KIAA0513: variants seen among roughly 807,000 people sequenced by gnomAD.
KIAA0513 encodes the protein uncharacterized protein KIAA0513.
In KIAA0513, 39 loss-of-function variants were observed where a neutral mutation model predicts 56.5. The ratio of observed to expected loss-of-function variants is 0.69; its 90% confidence interval spans 0.53 to 0.90. The LOEUF is 0.90. KIAA0513 is among the 40% of genes least tolerant of loss of function. KIAA0513 has a pLI of 0.00. For missense variants in KIAA0513, 591 were observed against 535.2 expected, an observed-to-expected ratio of 1.10 and a Z score of -1.03; for synonymous variants, 268 against 215.6, an observed-to-expected ratio of 1.24 and a Z score of -2.13.
At chr16:85,034,421 C>T (rs1184089192) in intron 1 of KIAA0513, among the ~76,000 whole-genome samples, 1 of 152,110 alleles carries the variant, frequency 6.6e-6, no homozygotes, top group Non-Finnish European at 1.5e-5. Flanking sequence ...TGACTGTACT[C>T]CTGCCAAGGA....
At chr16:85,088,191 C>T (rs554364060) in intron 12 of KIAA0513, 85 bp from the exon 13 acceptor site, 21 of 1,293,586 alleles carry the variant, frequency 1.6e-5, no homozygotes, top group South Asian at 1.1e-4. Context: ...AGGCCCGATT[C>T]GTCCCTGTCC....
intron 1 of KIAA0513, among the ~76,000 whole-genome samples, chr16:85,036,068 G>A (rs1028470854): frequency 1.3e-5 from 2 of 151,956 alleles, no homozygotes; most frequent in Non-Finnish European, 2.9e-5. Flanking sequence ...TACCGCCTTG[G>A]CCTCCCAAAA....
At chr16:85,087,233 G>T in intron 12 of KIAA0513, 67 bp downstream of exon 12, 1 of 1,302,520 alleles carries the variant, frequency 7.7e-7, no homozygotes, top group Non-Finnish European at 1.1e-6. Flanking sequence ...TGCTGTGCCC[G>T]CTGGCGCTTC....
intron 1 of KIAA0513, among the ~76,000 whole-genome samples, chr16:85,038,491 G>C (rs1202032249): frequency 1.3e-5 from 2 of 152,064 alleles, no homozygotes; most frequent in East Asian, 3.9e-4. Context: ...TGGATCACTT[G>C]AGGTCAGGAG....
chr16:85,050,853 C>T (rs532192933), intron 1 of KIAA0513, among the ~76,000 whole-genome samples: 60 of 152,180 alleles, frequency 3.9e-4, no homozygotes, highest in Non-Finnish European at 8.2e-4. Flanking sequence ...CCTTCACAGG[C>T]GTTTACAAAT....
rs145054027 is a variant in KIAA0513, at chr16:85,067,156, C to A, written c.85C>A (p.Pro29Thr). ...CTCTTCTCCCCTGGAGGCACCACCC[C>A]CTGTGCTGCAGGACGGCGATGGCTC... is the stretch of plus-strand genomic sequence containing the variant. ...PTSSPLEAPP[P>T]VLQDGDGSLG... Residue 29 changes from proline to threonine, a missense_variant, in exon 2 of 13, where the codon CCT (proline) becomes ACT (threonine). Transcript: ENST00000683363. The A allele has an allele frequency of 5.6e-6, 9 of 1,614,114 alleles. No individual in the cohort carries two copies. Among genetic ancestry groups the A allele is most frequent in the Non-Finnish European group, 7.6e-6 (9 of 1,179,990 alleles).
intron 4 of KIAA0513, 86 bp downstream of exon 4, chr16:85,073,084 C>G (rs2073603181): frequency 8.8e-7 from 1 of 1,138,874 alleles, no homozygotes; most frequent in Non-Finnish European, 1.3e-6. Context: ...GTGTCATAAC[C>G]CAGCTGTGAA....
Position 85,080,630 on chromosome 16 carries a change from A to G in KIAA0513, c.903-685A>G, listed in dbSNP as rs575400805. On this transcript the variant is annotated intron_variant, in intron 8 of 12. Coordinates refer to ENST00000683363, the MANE Select transcript of KIAA0513 (RefSeq NM_001388359.1). Reference sequence around the variant, plus strand: ...TCAACATGGCGAAACCCCCATCTCTACTAAAAATACAAAATAAGCTGGGTG... The same window carrying G: ...TCAACATGGCGAAACCCCCATCTCTGCTAAAAATACAAAATAAGCTGGGTG... 9.2e-5 allele frequency among the ~76,000 whole-genome samples: 14 copies of G among 152,154 alleles called. No individual in the cohort carries two copies. The South Asian group carries it at 1.2e-3, about 14-fold the overall frequency.
chr16:85,036,829 C>T (rs2073042672), intron 1 of KIAA0513, among the ~76,000 whole-genome samples: 1 of 152,186 alleles, frequency 6.6e-6, no homozygotes, highest in Non-Finnish European at 1.5e-5. Flanking sequence ...CCATGTAACA[C>T]GGGATCTTCA....
In KIAA0513 at chr16:85,081,335, A is replaced by T. The variant is rs757735347; in HGVS notation, c.923A>T (p.Asn308Ile). 1 of 1,609,322 alleles carries T rather than the reference A, an allele frequency of 6.2e-7. No individual in the cohort carries two copies. Among genetic ancestry groups the T allele is most frequent in the African/African-American group, 1.3e-5 (1 of 74,824 alleles). The part of the protein sequence containing the change: ...QPIWHTLRFW[N>I]AAFFDAVHCE... ...TGCAGGCACACTCTGAGGTTCTGGAATGCAGCCTTTTTTGACGCTGTCCAT... is the reference window on the plus strand; with the variant it reads ...TGCAGGCACACTCTGAGGTTCTGGATTGCAGCCTTTTTTGACGCTGTCCAT... The change falls in exon 9 of 13, where the codon AAT becomes ATT. Residue 308 changes from asparagine (N) to isoleucine (I), a missense_variant. Asn to Ile is a moderately radical substitution (Grantham distance 149). Coordinates refer to ENST00000683363, the MANE Select transcript of KIAA0513 (RefSeq NM_001388359.1). This position sits in a 1 kb window ranked among gnomAD's most constrained non-coding sequence, Gnocchi z 4.4.
At chr16:85,049,829 A>C (rs1430412489) in intron 1 of KIAA0513, among the ~76,000 whole-genome samples, 1 of 152,186 alleles carries the variant, frequency 6.6e-6, no homozygotes, top group Non-Finnish European at 1.5e-5. Context: ...TCACATTCAT[A>C]AGGCCCGAGT....
Position 85,067,252 on chromosome 16 carries a change from C to G in KIAA0513, c.181C>G (p.Pro61Ala). 1 of 1,614,102 alleles carries G rather than the reference C, an allele frequency of 6.2e-7. No individual in the cohort carries two copies. Among genetic ancestry groups the G allele is most frequent in the Non-Finnish European group, 8.5e-7 (1 of 1,180,012 alleles). ...ADSENDMGES[P>A]SHPSWDQDRR... ...CAGTGAGAATGACATGGGCGAGTCGCCCTCGCACCCGTCCTGGGACCAAGA... is the reference window on the plus strand; with the variant it reads ...CAGTGAGAATGACATGGGCGAGTCGGCCTCGCACCCGTCCTGGGACCAAGA... Residue 61 changes from proline (P) to alanine (A), a missense_variant, in exon 2 of 13, where the codon CCC (proline) becomes GCC (alanine). Transcript: ENST00000683363.
chr16:85,053,860 C>T (rs1020295664), intron 1 of KIAA0513, among the ~76,000 whole-genome samples: 4 of 152,034 alleles, frequency 2.6e-5, no homozygotes, highest in African/African-American at 4.8e-5. Context: ...GGCATGGTGG[C>T]GTGCACCTGT....
At chr16:85,070,785 G>A (rs533070536) in intron 2 of KIAA0513, among the ~76,000 whole-genome samples, 1 of 152,376 alleles carries the variant, frequency 6.6e-6, no homozygotes, top group East Asian at 1.9e-4. Flanking sequence ...TGAGATGGGT[G>A]CGCTTTCTCT....
intron 1 of KIAA0513, among the ~76,000 whole-genome samples, chr16:85,053,853 A>G (rs1004357367): frequency 6.6e-6 from 1 of 152,100 alleles, no homozygotes; most frequent in Non-Finnish European, 1.5e-5. Context: ...TTAGCTGGGC[A>G]TGGTGGCGTG....
rs752950457 is a variant in KIAA0513 at position 85,067,113 on chromosome 16, T to G, written c.42T>G (p.Phe14Leu). The stretch of plus-strand genomic sequence containing the variant: ...TCCCCGTGGGCTCGCTAATCGACTT[T>G]GGGCCTGAGGCACCCACCTCTTCTC... ...PEVPVGSLIDFGPEAPTSSPL... is the reference protein window; with the variant it reads ...PEVPVGSLIDLGPEAPTSSPL... Residue 14 changes from phenylalanine to leucine, a missense_variant, in exon 2 of 13, where the codon TTT becomes TTG. Phe to Leu is a conservative substitution (Grantham distance 22). Coordinates refer to ENST00000683363, the MANE Select transcript of KIAA0513 (RefSeq NM_001388359.1). The G allele has an allele frequency of 4.3e-6, 7 of 1,609,852 alleles. No homozygotes were observed. In the African/African-American group the frequency reaches 6.7e-5, roughly 15 times the overall value.
Position 85,067,155 on chromosome 16 carries a change from C to T in KIAA0513, c.84C>T (p.Pro28=), listed in dbSNP as rs2073496092. 1.9e-6 allele frequency: 3 copies of T among 1,613,980 alleles called. No individual in the cohort carries two copies. Among genetic ancestry groups the T allele is most frequent in the Admixed American group, 1.7e-5 (1 of 59,996 alleles). ...APTSSPLEAP[P]PVLQDGDGSL... is the part of the protein sequence containing the mutation. ...CCTCTTCTCCCCTGGAGGCACCACC[C>T]CCTGTGCTGCAGGACGGCGATGGCT... is the stretch of plus-strand genomic sequence containing the variant. Residue 28 remains proline (P), a synonymous_variant, in exon 2 of 13, where the codon CCC becomes CCT. Coordinates refer to ENST00000683363, the MANE Select transcript of KIAA0513 (RefSeq NM_001388359.1).
At chr16:85,060,831 G>A (rs1436627811) in intron 1 of KIAA0513, among the ~76,000 whole-genome samples, 9 of 147,762 alleles carry the variant, frequency 6.1e-5, no homozygotes, top group Non-Finnish European at 1.3e-4. Context: ...GCAACAGAGC[G>A]TGAACCTATC....
chr16:85,065,958 C>T (rs1456710620), intron 1 of KIAA0513, among the ~76,000 whole-genome samples: 2 of 152,240 alleles, frequency 1.3e-5, no homozygotes, highest in Admixed American at 1.3e-4. Context: ...CTTCGTTCAG[C>T]AAGCACACGA....
Sources: gnomAD v4.1 joint callset for allele counts (sites outside exome capture counted in the v4.1 genomes callset) on GRCh38, gnomAD v4.1.1 for gene constraint, Gnocchi (gnomAD v3.1) non-coding constraint, MANE v1.5 for transcripts, NCBI Gene and HGNC (gene_info 2026-07-23, HGNC 2026-07-21) for gene names.